Variants in CUBN observed in about 807,000 individuals in gnomAD.
CUBN encodes cubilin.
A neutral mutation model predicts 405.3 loss-of-function variants in CUBN; 282 were observed. The observed-to-expected ratio is 0.70, with a 90% CI of 0.63 to 0.77. CUBN has a LOEUF of 0.77. Ranked by LOEUF, CUBN falls within the 30% of genes least tolerant of loss-of-function variation. The probability of loss-of-function intolerance (pLI) is 0.00; values close to 1 mark genes in which losing one functional copy is unlikely to be tolerated. For synonymous variants in CUBN, 1,684 were observed against 1,617.0 expected, an observed-to-expected ratio of 1.04 and a Z score of -0.99; for missense variants, 4,514 against 4,475.2, an observed-to-expected ratio of 1.01 and a Z score of -0.25.
chr10:16,907,808 A>G, intron 48 of CUBN, 129 bp from the exon 49 acceptor site: 1 of 914,150 alleles, frequency 1.1e-6, no homozygotes, highest in Non-Finnish European at 1.7e-6. Context: ...TGACCTAACA[A>G]TGCAGGTTTC....
chr10:16,843,628 C>T (rs1258044762), intron 60 of CUBN, among the ~76,000 whole-genome samples: 1 of 152,134 alleles, frequency 6.6e-6, no homozygotes, highest in African/African-American at 2.4e-5. Flanking sequence ...ATAATCATTG[C>T]TGTCTTTATG....
intron 39 of CUBN, among the ~76,000 whole-genome samples, chr10:16,936,570 G>A (rs138415261): frequency 3.3e-4 from 50 of 152,242 alleles, no homozygotes; most frequent in African/African-American, 1.1e-3. Context: ...TTCAGAGTTC[G>A]AATATTCTTC....
Position 17,123,458 on chromosome 10 carries a change from A to G in CUBN, c.489+130T>C, listed in dbSNP as rs1184016925. On this transcript the variant is annotated intron_variant, in intron 5 of 66. Transcript: ENST00000377833. ...GTTTGGGTTTTAGCATACCTGGTATATTTCAATTTGATTTGGGAGGCCACA... is the reference window on the plus strand; with the variant it reads ...GTTTGGGTTTTAGCATACCTGGTATGTTTCAATTTGATTTGGGAGGCCACA... 6.5e-6 allele frequency: 5 copies of G among 770,472 alleles called. No homozygotes were observed. In the East Asian group the frequency reaches 1.1e-4, roughly 16 times the overall value. 47.7% of individuals were successfully genotyped at this position (770,472 alleles called of 1,614,324 possible).
intron 48 of CUBN, among the ~76,000 whole-genome samples, chr10:16,913,456 C>T (rs971252850): frequency 1.3e-5 from 2 of 152,128 alleles, no homozygotes; most frequent in African/African-American, 4.8e-5. Flanking sequence ...CACCCACCTG[C>T]TCAGAACTTT....
chr10:16,961,898 G>C (rs558174083), intron 31 of CUBN, among the ~76,000 whole-genome samples: 1 of 152,084 alleles, frequency 6.6e-6, no homozygotes, highest in African/African-American at 2.4e-5. Context: ...ATTTTCAGTA[G>C]AGACAAGGTT....
At chr10:17,129,040 T>C (rs1182358470) in intron 2 of CUBN, 81 bp downstream of exon 2, 4 of 1,078,830 alleles carry the variant, frequency 3.7e-6, no homozygotes, top group Non-Finnish European at 4.2e-6. Context: ...AGATTCAAGG[T>C]ACAGATTAAT....
chr10:17,128,409 T>C lies in CUBN; in HGVS notation c.253-485A>G, dbSNP rs539794807. Among the ~76,000 whole-genome samples, 4 of 152,338 alleles carry C rather than the reference T, an allele frequency of 2.6e-5. No individual in the cohort carries two copies. In the South Asian group the frequency reaches 6.2e-4, roughly 24 times the overall value. The stretch of plus-strand genomic sequence containing the variant: ...TGGATGGCCCACAGTAAGCTCTGAA[T>C]AATGCTGACTTCTAACATTATGACT... On this transcript the variant is annotated intron_variant, in intron 2 of 66. Coordinates refer to ENST00000377833, the MANE Select transcript of CUBN (RefSeq NM_001081.4).
At chr10:16,862,156 T>TCA (rs1377846836) in intron 59 of CUBN, among the ~76,000 whole-genome samples, 1,083 of 92,706 alleles carry the variant, frequency 0.012, 14 homozygotes, top group African/African-American at 0.069. Flanking sequence ...TCTCTCTCTC[T>TCA]CTCTCACACA....
intron 58 of CUBN, among the ~76,000 whole-genome samples, chr10:16,871,009 AT>A (rs1412197097): frequency 6.6e-6 from 1 of 150,716 alleles, no homozygotes; most frequent in East Asian, 1.9e-4. Context: ...TCCTGTCCTC[AT>A]TTTTATAGGT....
chr10:16,833,810 C>G (rs1839085525), intron 64 of CUBN, among the ~76,000 whole-genome samples: 1 of 152,116 alleles, frequency 6.6e-6, no homozygotes, highest in Non-Finnish European at 1.5e-5. Flanking sequence ...CGGTACATTT[C>G]TTTATGCTAC....
chr10:16,990,703 A>T (rs1413665768), intron 28 of CUBN, among the ~76,000 whole-genome samples, 188 bp from the exon 29 acceptor site: 1 of 152,250 alleles, frequency 6.6e-6, no homozygotes, highest in East Asian at 1.9e-4. Context: ...GCTACAACTT[A>T]TTAAGTTTAT....
intron 14 of CUBN, among the ~76,000 whole-genome samples, chr10:17,096,897 C>T (rs996506022): frequency 2.6e-5 from 4 of 152,032 alleles, no homozygotes; most frequent in African/African-American, 9.7e-5. Flanking sequence ...CAGCCGAATG[C>T]TAATGAAAAC....
At chr10:16,843,932 T>C (rs1488453977) in intron 60 of CUBN, among the ~76,000 whole-genome samples, 3 of 152,044 alleles carry the variant, frequency 2.0e-5, no homozygotes, top group African/African-American at 7.3e-5. Flanking sequence ...AGAACCCACG[T>C]GATGGAGACA....
intron 13 of CUBN, among the ~76,000 whole-genome samples, chr10:17,100,767 G>A (rs563121934): frequency 3.9e-5 from 6 of 152,266 alleles, no homozygotes; most frequent in Admixed American, 3.3e-4. Context: ...AGGTGTGGGC[G>A]GAGTAGGCGG....
intron 10 of CUBN, among the ~76,000 whole-genome samples, chr10:17,107,040 A>G (rs1836650758): frequency 2.0e-5 from 3 of 152,218 alleles, no homozygotes; most frequent in Non-Finnish European, 4.4e-5. Flanking sequence ...CAATCGAATT[A>G]GGTTAGGAAG....
chr10:16,829,526 G>C (rs1371533459), intron 65 of CUBN, among the ~76,000 whole-genome samples: 1 of 152,130 alleles, frequency 6.6e-6, no homozygotes, highest in African/African-American at 2.4e-5. Context: ...GTAGGTGACG[G>C]CAGGAATGAC....
chr10:16,990,447 G>GTGGA lies in CUBN; in HGVS notation c.4233_4236dup (p.Pro1413SerfsTer11). On this transcript the variant is annotated frameshift_variant, in exon 29 of 67. Coordinates refer to ENST00000377833, the MANE Select transcript of CUBN (RefSeq NM_001081.4). LOFTEE classifies it high-confidence loss of function. The stretch of plus-strand genomic sequence containing the variant: ...ATGTACCAGATACACTCCTTGTTTG[G>GTGGA]TGGATACCTGTTGGGGAACCCGGGG... 6.2e-7 allele frequency: 1 copy of GTGGA among 1,614,130 alleles called. No individual in the cohort carries two copies.
Position 16,869,798 on chromosome 10 carries a change from T to C in CUBN, c.9292A>G (p.Ile3098Val), listed in dbSNP as rs1685198551. The change falls in exon 59 of 67, where the codon ATT (isoleucine) becomes GTT (valine). Residue 3098 changes from isoleucine (I) to valine (V), a missense_variant. Ile to Val is a conservative substitution (Grantham distance 29, BLOSUM62 3). Coordinates refer to ENST00000377833, the MANE Select transcript of CUBN (RefSeq NM_001081.4). ...STSCSHDYLA[I>V]YDGANTSDPL... Reference sequence around the variant, plus strand: ...TCGCTGGTATTGGCACCATCGTAAATTGCCAGGTAGTCATGGGAGCAGGAG... The same window carrying C: ...TCGCTGGTATTGGCACCATCGTAAACTGCCAGGTAGTCATGGGAGCAGGAG... 2 of 1,613,952 alleles carry C rather than the reference T, an allele frequency of 1.2e-6. No homozygotes were observed. Among genetic ancestry groups the C allele is most frequent in the Non-Finnish European group, 1.7e-6 (2 of 1,179,996 alleles).
At chr10:16,917,024 G>A (rs1462161478) in intron 45 of CUBN, among the ~76,000 whole-genome samples, 1 of 151,866 alleles carries the variant, frequency 6.6e-6, no homozygotes, top group East Asian at 1.9e-4. Flanking sequence ...ATCTTGGCCA[G>A]GCTGGTCTTG....
Sources: gnomAD v4.1 joint callset for allele counts (sites outside exome capture counted in the v4.1 genomes callset) on GRCh38, gnomAD v4.1.1 for gene constraint, MANE v1.5 for transcripts, NCBI Gene and HGNC (gene_info 2026-07-23, HGNC 2026-07-21) for gene names.